The following KNTC1 variants were observed in gnomAD, a reference collection of about 807,000 sequenced individuals.
KNTC1 encodes kinetochore-associated protein 1.
A neutral mutation model predicts 314.4 loss-of-function variants in KNTC1; 253 were observed. That is an observed-to-expected ratio of 0.80 (90% CI 0.73 to 0.89). The LOEUF (loss-of-function observed/expected upper bound fraction) is 0.89, where lower values mean the gene tolerates loss of function less well. KNTC1 is among the 40% of genes least tolerant of loss of function. The pLI, the probability that KNTC1 is intolerant of heterozygous loss-of-function variation, is 0.00. For missense variants in KNTC1, 2,475 were observed against 2,572.9 expected, an observed-to-expected ratio of 0.96 and a Z score of 0.82; for synonymous variants, 901 against 901.4, an observed-to-expected ratio of 1.00 and a Z score of 0.01.
chr12:122,575,587 T>C lies in KNTC1; in HGVS notation c.2427T>C (p.Val809=), dbSNP rs781766009. The change falls in exon 28 of 64, where the codon GTT becomes GTC. Residue 809 remains valine, a synonymous_variant. Coordinates refer to ENST00000333479, the MANE Select transcript of KNTC1 (RefSeq NM_014708.6). ...TCAAGATCATGTATGCGGCAGTGGT[T>C]CCTTGGAGTGCAGCTGTGGAGCAAC... ...AVLKIMYAAV[V]PWSAAVEQLV... 7 of 1,599,098 alleles carry C rather than the reference T, an allele frequency of 4.4e-6. No individual in the cohort carries two copies. Among genetic ancestry groups the C allele is most frequent in the Non-Finnish European group, 5.1e-6 (6 of 1,172,660 alleles).
At chr12:122,560,186 ATTTC>A (rs1963882519) in intron 18 of KNTC1, among the ~76,000 whole-genome samples, 1 of 152,104 alleles carries the variant, frequency 6.6e-6, no homozygotes, top group Non-Finnish European at 1.5e-5. Flanking sequence ...AAATGACAGA[ATTTC>A]TTTCTTTTTT....
intron 31 of KNTC1, 51 bp downstream of exon 31, chr12:122,577,842 T>G (rs913305554): frequency 3.5e-5 from 53 of 1,508,282 alleles, no homozygotes; most frequent in Non-Finnish European, 4.6e-5. Context: ...TTATGGCTAT[T>G]AATCAATAGG....
intron 18 of KNTC1, among the ~76,000 whole-genome samples, chr12:122,561,335 TAATA>T (rs1483464802): frequency 2.6e-5 from 4 of 151,804 alleles, no homozygotes; most frequent in African/African-American, 9.7e-5. Context: ...ATAATAATAA[TAATA>T]AATAAAAAAT....
chr12:122,590,591 T>C lies in KNTC1; in HGVS notation c.4000-16T>C, dbSNP rs774799385. On this transcript the variant is annotated splice_polypyrimidine_tract_variant and intron_variant, in intron 40 of 63. Transcript: ENST00000333479. ...ATTGTGAAGAATTTGCTTCTTTTGC[T>C]GGTTTCTTCCTGTAGGTATTTAATT... 6.3e-7 allele frequency: 1 copy of C among 1,587,350 alleles called. No homozygotes were observed. Among genetic ancestry groups the C allele is most frequent in the Non-Finnish European group, 8.6e-7 (1 of 1,165,414 alleles).
At chr12:122,599,250 C>T (rs956751114) in intron 44 of KNTC1, among the ~76,000 whole-genome samples, 1 of 151,944 alleles carries the variant, frequency 6.6e-6, no homozygotes, top group Non-Finnish European at 1.5e-5. Context: ...ACAGGGACTA[C>T]ACCTGGCTTC....
rs375695284 is a variant in KNTC1 at position 122,618,356 on chromosome 12, G to A, written c.6044G>A (p.Ser2015Asn). Residue 2015 changes from serine to asparagine, a missense_variant, in exon 58 of 64, where the codon AGC becomes AAC. By Grantham distance (46) the Ser-to-Asn change is conservative. Coordinates refer to ENST00000333479, the MANE Select transcript of KNTC1 (RefSeq NM_014708.6). ...TTGTTTTCACAGGTTCCCTACTTCA[G>A]CAAAGCGTGGCAGCGTGTGATACAG... is the stretch of plus-strand genomic sequence containing the variant. Reference protein sequence around the residue: ...IHSLWQVPYFSKAWQRVIQIP... With the variant: ...IHSLWQVPYFNKAWQRVIQIP... The A allele has an allele frequency of 6.2e-7, 1 of 1,613,520 alleles. No homozygotes were observed. Among genetic ancestry groups the A allele is most frequent in the African/African-American group, 1.3e-5 (1 of 74,908 alleles).
Position 122,602,906 on chromosome 12 carries a change from G to A in KNTC1, c.4884+19G>A. ...AATGAAGGTAATGGATTAAAACATT[G>A]TAAGACATTTCTGTATCCTGCAATT... On this transcript the variant is annotated intron_variant, in intron 47 of 63. Coordinates refer to ENST00000333479, the MANE Select transcript of KNTC1 (RefSeq NM_014708.6). The A allele has an allele frequency of 1.3e-6, 2 of 1,579,318 alleles. 1 individual carries two copies. Among genetic ancestry groups the A allele is most frequent in the Non-Finnish European group, 1.7e-6 (2 of 1,150,466 alleles).
At chr12:122,564,126 C>T (rs1257773622) in intron 20 of KNTC1, among the ~76,000 whole-genome samples, 1 of 151,960 alleles carries the variant, frequency 6.6e-6, no homozygotes, top group Non-Finnish European at 1.5e-5. Flanking sequence ...TACAGGCACC[C>T]GCCACCACGC....
intron 26 of KNTC1, among the ~76,000 whole-genome samples, chr12:122,573,721 G>A (rs778577550): frequency 6.6e-6 from 1 of 152,216 alleles, no homozygotes; most frequent in Non-Finnish European, 1.5e-5. Flanking sequence ...CTCCAAGCGA[G>A]AGGGAGCTTC....
chr12:122,620,185 A>AT, intron 59 of KNTC1: 1 of 177,352 alleles, frequency 5.6e-6, no homozygotes, highest in Non-Finnish European at 1.2e-5. Context: ...AAAAAAAAAA[A>AT]AGGTTTTGAG....
intron 34 of KNTC1, among the ~76,000 whole-genome samples, chr12:122,583,673 A>G (rs906150181): frequency 3.9e-5 from 6 of 151,980 alleles, no homozygotes; most frequent in Admixed American, 3.3e-4. Flanking sequence ...TAAAAATACA[A>G]CTGTTAGTCG....
At position 122,583,762 on chromosome 12, in the gene KNTC1, G is replaced by T. The variant is rs182624875; in HGVS notation, c.3264-516G>T. ...AATCGCTTGAACCTGGGAGGTGGAGGTTGCAGTGAGCCCAGATCGTGCCAT... is the reference window on the plus strand; with the variant it reads ...AATCGCTTGAACCTGGGAGGTGGAGTTTGCAGTGAGCCCAGATCGTGCCAT... On this transcript the variant is annotated intron_variant, in intron 34 of 63. Coordinates refer to ENST00000333479, the MANE Select transcript of KNTC1 (RefSeq NM_014708.6). Among the ~76,000 whole-genome samples, 31 of 152,216 alleles carry T rather than the reference G, an allele frequency of 2.0e-4. No homozygotes were observed. The East Asian group carries it at 6.0e-3, about 29-fold the overall frequency.
At chr12:122,580,207 A>C (rs1425561335) in intron 32 of KNTC1, among the ~76,000 whole-genome samples, 1 of 152,208 alleles carries the variant, frequency 6.6e-6, no homozygotes, top group Non-Finnish European at 1.5e-5. Context: ...CTCACTTACT[A>C]TTTAGTGCTA....
chr12:122,563,871 A>G (rs1033994853), intron 20 of KNTC1: 5 of 1,342,058 alleles, frequency 3.7e-6, no homozygotes, highest in African/African-American at 1.5e-5. Flanking sequence ...ACAGGGTTTG[A>G]AAGGAAGAAA....
chr12:122,534,919 T>C, intron 3 of KNTC1, 135 bp downstream of exon 3: 1 of 851,834 alleles, frequency 1.2e-6, no homozygotes, highest in Admixed American at 2.3e-5. Context: ...GTAATTAAGC[T>C]TGAGTGCTTA....
chr12:122,622,585 A>T lies in KNTC1; in HGVS notation c.6493A>T (p.Asn2165Tyr), dbSNP rs1874559210. ...TACCAACAATATCACTGAGCTAGTG[A>T]ACTATTTGGCAAATGACTTAAGGTA... ...MNTNNITELV[N>Y]YLANDLSLDE... is the part of the protein sequence containing the mutation. The change falls in exon 62 of 64, where the codon AAC (asparagine) becomes TAC (tyrosine). Residue 2165 changes from asparagine to tyrosine, a missense_variant. Coordinates refer to ENST00000333479, the MANE Select transcript of KNTC1 (RefSeq NM_014708.6). The T allele has an allele frequency of 6.5e-7, 1 of 1,550,386 alleles. No homozygotes were observed. The highest frequency in any genetic ancestry group is 1.2e-5 in the South Asian group (1 of 81,288).
chr12:122,542,038 T>A lies in KNTC1; in HGVS notation c.446-12T>A. 6.6e-7 allele frequency: 1 copy of A among 1,513,986 alleles called. No homozygotes were observed. The highest frequency in any genetic ancestry group is 8.9e-7 in the Non-Finnish European group (1 of 1,127,006). The allele number at this position is 1,513,986 out of a possible 1,614,324, so 93.8% of individuals were successfully genotyped here. ...CAAAAAAAAGAAACTGATTCTGATT[T>A]TATTTCAATAGGTACCTATTATATG... On this transcript the variant is annotated splice_polypyrimidine_tract_variant and intron_variant, in intron 5 of 63. Transcript: ENST00000333479.
intron 28 of KNTC1, 61 bp from the exon 29 acceptor site, chr12:122,575,739 G>T: frequency 6.7e-7 from 1 of 1,495,560 alleles, no homozygotes; most frequent in South Asian, 1.2e-5. Context: ...ATTGTTTGCT[G>T]TGTCCCATAG....
chr12:122,549,846 C>G lies in KNTC1; in HGVS notation c.1068C>G (p.Val356=). 4 of 1,555,320 alleles carry G rather than the reference C, an allele frequency of 2.6e-6. No individual in the cohort carries two copies. The highest frequency in any genetic ancestry group is 3.5e-6 in the Non-Finnish European group (4 of 1,136,378). Reference sequence around the variant, plus strand: ...AAGTATCTAGTGTTTCTTCTCTGGTCCAAACAGGAATTAGCACAGTAAGTT... The same window carrying G: ...AAGTATCTAGTGTTTCTTCTCTGGTGCAAACAGGAATTAGCACAGTAAGTT... The part of the protein sequence containing the change: ...SLEVSSVSSL[V]QTGISTDTIY... Residue 356 remains valine (V), a synonymous_variant, in exon 13 of 64, where the codon GTC becomes GTG. Coordinates refer to ENST00000333479, the MANE Select transcript of KNTC1 (RefSeq NM_014708.6).
Sources: allele counts gnomAD v4.1 joint callset (sites outside exome capture counted in the v4.1 genomes callset), GRCh38; gene constraint gnomAD v4.1.1; transcripts MANE v1.5; gene names NCBI Gene and HGNC (gene_info 2026-07-23, HGNC 2026-07-21).